Variants in CCDC187 observed in about 807,000 individuals in gnomAD.
CCDC187 encodes the protein coiled-coil domain-containing protein 187.
Under a neutral mutation model 38.0 loss-of-function variants are expected in CCDC187, and 32 were observed. The ratio of observed to expected loss-of-function variants is 0.84; its 90% CI spans 0.64 to 1.13. The LOEUF is 1.13. Among genes scored for constraint, CCDC187 ranks in the 50% most tolerant of loss-of-function variants. The pLI is 0.00. For synonymous variants in CCDC187, 333 were observed against 347.9 expected (o/e 0.96, Z 0.48); for missense variants, 707 against 786.8 (o/e 0.90, Z 1.21).
intron 4 of CCDC187, among the ~76,000 whole-genome samples, chr9:136,294,151 C>G (rs945909813): frequency 6.6e-6 from 1 of 151,692 alleles, no homozygotes; most frequent in Admixed American, 6.6e-5. Context: ...CACATGCTCT[C>G]ACACACACAT....
At chr9:136,306,330 C>T (rs1831803618), upstream of CCDC187, among the ~76,000 whole-genome samples, 3 of 152,362 alleles carry the variant, frequency 2.0e-5, no homozygotes, top group Admixed American at 2.0e-4. Flanking sequence ...CCACTCCACC[C>T]ACCATGCTCC....
rs1276198478 is a variant in CCDC187, at chr9:136,293,443, TCA to T, written c.833-1150_833-1149del. On this transcript the variant is annotated intron_variant, in intron 4 of 25. Coordinates refer to ENST00000638797, the MANE Select transcript of CCDC187 (RefSeq NM_001378188.1). Reference sequence around the variant, plus strand: ...CACATACTCTCACATGCTCACACACTCACACATGCTCACACTCACACTCACAT... The same window carrying T: ...CACATACTCTCACATGCTCACACACTCACATGCTCACACTCACACTCACAT... 1.5e-3 allele frequency among the ~76,000 whole-genome samples: 51 copies of T among 32,912 alleles called. 2 individuals carry two copies. Among genetic ancestry groups the T allele is most frequent in the East Asian group, 6.3e-3 (4 of 636 alleles). The allele number at this position is 32,912 out of a possible 152,430, so 21.6% of individuals were successfully genotyped here. A position where few individuals can be genotyped will look rare whatever the true frequency, so the allele number is the denominator to read the frequency against.
At position 136,253,642 on chromosome 9, in the gene CCDC187, C is replaced by A. The variant is rs1302630408; in HGVS notation, c.6186G>T (p.Leu2062=). The A allele has an allele frequency of 1.9e-5, 19 of 985,434 alleles. No homozygotes were observed. Among genetic ancestry groups the A allele is most frequent in the Non-Finnish European group, 2.2e-5 (18 of 830,018 alleles). The allele number at this position is 985,434 out of a possible 1,614,324, so 61.0% of individuals were successfully genotyped here. The change falls in exon 26 of 26, where the codon CTG becomes CTT. Residue 2062 remains leucine (L), a synonymous_variant. Coordinates refer to ENST00000638797, the MANE Select transcript of CCDC187 (RefSeq NM_001378188.1). ...QDLSSLSEES[L]PEGLFPGPQG... ...GGGGCCCAGGAAACAGTCCCTCCGGCAGACTCTCCTCAGACAAGGAGGACA... is the reference window on the plus strand; with the variant it reads ...GGGGCCCAGGAAACAGTCCCTCCGGAAGACTCTCCTCAGACAAGGAGGACA...
At chr9:136,287,901 G>A (rs1022306475) in intron 7 of CCDC187, among the ~76,000 whole-genome samples, 2 of 152,154 alleles carry the variant, frequency 1.3e-5, no homozygotes, top group African/African-American at 4.8e-5. Flanking sequence ...TCACTATGTT[G>A]TCCAGGCCGG....
At chr9:136,284,574 C>T (rs1831126979) in intron 9 of CCDC187, among the ~76,000 whole-genome samples, 1 of 152,140 alleles carries the variant, frequency 6.6e-6, no homozygotes, top group Non-Finnish European at 1.5e-5. Flanking sequence ...CCAAGAACGC[C>T]TGGCAGTATG....
intron 9 of CCDC187, among the ~76,000 whole-genome samples, chr9:136,282,495 C>T (rs997575369): frequency 1.3e-5 from 2 of 151,742 alleles, no homozygotes; most frequent in South Asian, 2.1e-4. Flanking sequence ...GGCATGTGGG[C>T]GGGGCATGTG....
rs534482442 is a variant in CCDC187 at position 136,251,151 on chromosome 9, G to T, written c.*2443C>A. On this transcript the variant is annotated 3_prime_UTR_variant, in exon 26 of 26. Coordinates refer to ENST00000638797, the MANE Select transcript of CCDC187 (RefSeq NM_001378188.1). ...GTGCTGGGACACAGATGTCCCTAAGGCCAACACGCTGCTCATCAACTCCGC... is the reference window on the plus strand; with the variant it reads ...GTGCTGGGACACAGATGTCCCTAAGTCCAACACGCTGCTCATCAACTCCGC... 5 of 404,782 alleles carry T rather than the reference G, an allele frequency of 1.2e-5. No individual in the cohort carries two copies. In the East Asian group the frequency reaches 3.7e-4, roughly 30 times the overall value. 25.1% of individuals were successfully genotyped at this position (404,782 alleles called of 1,614,324 possible).
intron 5 of CCDC187, 87 bp downstream of exon 5, chr9:136,292,074 G>A: frequency 2.5e-6 from 1 of 398,408 alleles, no homozygotes; most frequent in Non-Finnish European, 4.4e-6. Flanking sequence ...CTTCCAGGCG[G>A]CCTGGAGCCT....
At chr9:136,275,590 AAAGGTCCACCTCCCAG>A (rs1475341801) in intron 12 of CCDC187, among the ~76,000 whole-genome samples, 1 of 152,128 alleles carries the variant, frequency 6.6e-6, no homozygotes, top group African/African-American at 2.4e-5. Context: ...AACACAGAAG[AAAGGTCCACCTCCCAG>A]AAGGTTTATC....
At chr9:136,285,346 G>A (rs1423223912) in intron 9 of CCDC187, among the ~76,000 whole-genome samples, 167 bp downstream of exon 9, 37 of 152,236 alleles carry the variant, frequency 2.4e-4, no homozygotes, top group African/African-American at 8.2e-4. Context: ...CACCTGCTCC[G>A]GGTCCCTGGC....
intron 15 of CCDC187, chr9:136,267,731 T>C: frequency 1.1e-6 from 1 of 887,700 alleles, no homozygotes; most frequent in Non-Finnish European, 1.3e-6. Flanking sequence ...GCAGGATCTT[T>C]AGCATCTCGG....
At chr9:136,304,268 T>C (rs1471541628), upstream of CCDC187, among the ~76,000 whole-genome samples, 3 of 152,012 alleles carry the variant, frequency 2.0e-5, no homozygotes, top group Non-Finnish European at 2.9e-5. Context: ...GGGGCCGGGC[T>C]GGGCTTGTGG....
At chr9:136,306,443 C>T (rs958108953), upstream of CCDC187, among the ~76,000 whole-genome samples, 1,517 of 152,354 alleles carry the variant, frequency 1.0e-2, 33 homozygotes, top group African/African-American at 0.034. Flanking sequence ...CAGGAAGTAG[C>T]CTTGCCCATG....
chr9:136,281,783 T>G lies in CCDC187; in HGVS notation c.2928-120A>C, dbSNP rs1329236237. Reference sequence around the variant, plus strand: ...CTGGGCTCCCGTGGCCTGGAGCAGCTCTCAGACCCCCAACAGTGTGCCCAG... The same window carrying G: ...CTGGGCTCCCGTGGCCTGGAGCAGCGCTCAGACCCCCAACAGTGTGCCCAG... On this transcript the variant is annotated intron_variant, in intron 9 of 25. Coordinates refer to ENST00000638797, the MANE Select transcript of CCDC187 (RefSeq NM_001378188.1). 2.3e-5 allele frequency: 9 copies of G among 397,434 alleles called. No individual in the cohort carries two copies. The East Asian group carries it at 2.9e-4, about 13-fold the overall frequency. The allele number at this position is 397,434 out of a possible 1,614,324, so 24.6% of individuals were successfully genotyped here.
At chr9:136,261,777 C>T (rs1251678020) in intron 19 of CCDC187, among the ~76,000 whole-genome samples, 1 of 152,232 alleles carries the variant, frequency 6.6e-6, no homozygotes, top group Non-Finnish European at 1.5e-5. Context: ...TGCGCTGCCC[C>T]CCGCTTTCTG....
Position 136,258,456 on chromosome 9 carries a change from C to T in CCDC187, c.4366+476G>A, listed in dbSNP as rs193239115. On this transcript the variant is annotated intron_variant, in intron 22 of 25. Transcript: ENST00000638797. The surrounding 1 kb of genome is among the most constrained non-coding windows in gnomAD (Gnocchi z 4.3). ...ACACAACCCCCCACTCTTCAGCCGG[C>T]GGCTACCAGACGCACCACCAGGGTT... Among the ~76,000 whole-genome samples the T allele has an allele frequency of 2.0e-3, 311 of 152,174 alleles. 3 individuals are homozygous for T. The highest frequency in any genetic ancestry group is 7.2e-3 in the African/African-American group (298 of 41,514).
At position 136,253,851 on chromosome 9, in the gene CCDC187, C is replaced by T. The variant is rs1178828906; in HGVS notation, c.5977G>A (p.Glu1993Lys). The change falls in exon 26 of 26, where the codon GAG becomes AAG. Residue 1993 changes from glutamate (E) to lysine (K), a missense_variant. By Grantham distance (56) the Glu-to-Lys change is moderately conservative (BLOSUM62 1). Transcript: ENST00000638797. ...VLTEILSPVD[E>K]LLSYGSADLP... ...TCGGCACTGCCGTAGGACAGCAACTCGTCCACGGGAGACAGGATCTCAGTC... is the reference window on the plus strand; with the variant it reads ...TCGGCACTGCCGTAGGACAGCAACTTGTCCACGGGAGACAGGATCTCAGTC... 3 of 985,150 alleles carry T rather than the reference C, an allele frequency of 3.0e-6. No individual in the cohort carries two copies. The highest frequency in any genetic ancestry group is 1.1e-4 in the East Asian group (1 of 8,826). The allele number at this position is 985,150 out of a possible 1,614,324, so 61.0% of individuals were successfully genotyped here.
upstream of CCDC187, among the ~76,000 whole-genome samples, chr9:136,304,723 C>A (rs1405526153): frequency 6.6e-6 from 1 of 152,204 alleles, no homozygotes; most frequent in Non-Finnish European, 1.5e-5. Flanking sequence ...CTGGGGACCA[C>A]CCCCTCCCCC....
In CCDC187 at chr9:136,260,182, A is replaced by C; in HGVS notation, c.4147T>G (p.Trp1383Gly). 5.1e-6 allele frequency: 5 copies of C among 985,232 alleles called. No individual in the cohort carries two copies. The highest frequency in any genetic ancestry group is 6.0e-6 in the Non-Finnish European group (5 of 830,008). 61.0% of individuals were successfully genotyped at this position (985,232 alleles called of 1,614,324 possible). A position where few individuals can be genotyped will look rare whatever the true frequency, so the allele number is the denominator to read the frequency against. Residue 1383 changes from tryptophan (W) to glycine (G), a missense_variant, in exon 20 of 26, where the codon TGG becomes GGG. Transcript: ENST00000638797. ...DGHQQPPRPA[W>G]GEDTHDPQGP... The stretch of plus-strand genomic sequence containing the variant: ...TGGGGGTCGTGTGTGTCCTCGCCCC[A>C]TGCTGGCCTCGGAGGCTGCTGGTGA...
Sources: allele counts gnomAD v4.1 joint callset (sites outside exome capture counted in the v4.1 genomes callset), GRCh38; gene constraint gnomAD v4.1.1; non-coding constraint Gnocchi (gnomAD v3.1); transcripts MANE v1.5; gene names NCBI Gene and HGNC (gene_info 2026-07-23, HGNC 2026-07-21).